The following KCNIP4 variants were observed in gnomAD, a reference collection of about 807,000 sequenced individuals.
KCNIP4 encodes the protein potassium voltage-gated channel interacting protein 4, also known as Kv channel-interacting protein 4.
In KCNIP4, 12 loss-of-function variants were observed where a neutral mutation model predicts 34.0. The ratio of observed to expected loss-of-function variants is 0.35; its 90% confidence interval spans 0.23 to 0.57. The LOEUF (loss-of-function observed/expected upper bound fraction) is 0.57. KCNIP4 is among the 20% of genes least tolerant of loss of function. The probability of loss-of-function intolerance (pLI) is 0.83; values close to 1 mark genes in which losing one functional copy is unlikely to be tolerated. For synonymous variants in KCNIP4, 124 were observed against 102.2 expected (o/e 1.21, Z -1.29); for missense variants, 238 against 311.7 (o/e 0.76, Z 1.78).
At chr4:21,821,635 A>C (rs2109290528) in intron 1 of KCNIP4, among the ~76,000 whole-genome samples, 1 of 152,272 alleles carries the variant, frequency 6.6e-6, no homozygotes, top group South Asian at 2.1e-4. Context: ...GCAGAGTGGA[A>C]TATGCAGTTA....
intron 1 of KCNIP4, among the ~76,000 whole-genome samples, chr4:20,887,498 AGAG>A (rs1034840363): frequency 4.3e-4 from 66 of 152,144 alleles, no homozygotes; most frequent in African/African-American, 1.5e-3. Flanking sequence ...TAAAATGAAA[AGAG>A]AAGAAAAGGA....
intron 1 of KCNIP4, among the ~76,000 whole-genome samples, chr4:20,953,236 T>G (rs1159042735): frequency 6.6e-6 from 1 of 152,234 alleles, no homozygotes; most frequent in Non-Finnish European, 1.5e-5. Flanking sequence ...TAACGGCTTC[T>G]GTGTCTCTCT....
chr4:21,532,619 A>G (rs925897993), intron 1 of KCNIP4, among the ~76,000 whole-genome samples: 8 of 152,156 alleles, frequency 5.3e-5, no homozygotes, highest in Non-Finnish European at 1.0e-4. Context: ...TTTTGTTTCA[A>G]TAATTAATAT....
chr4:21,413,052 T>C (rs1453179482), intron 1 of KCNIP4, among the ~76,000 whole-genome samples: 4 of 152,162 alleles, frequency 2.6e-5, no homozygotes, highest in African/African-American at 7.2e-5. Flanking sequence ...CCCATATATA[T>C]GTCGATTCAC....
At chr4:20,737,533 CAG>C (rs144368110) in intron 5 of KCNIP4, among the ~76,000 whole-genome samples, 17,171 of 152,026 alleles carry the variant, frequency 0.11, 1,146 homozygotes, top group South Asian at 0.19. Flanking sequence ...ATACATGAGA[CAG>C]AAGAACATGG....
Position 21,286,909 on chromosome 4 carries a change from G to A in KCNIP4, c.62-404200C>T, listed in dbSNP as rs147215902. Reference sequence around the variant, plus strand: ...ACCCTAGGGCTTAATACATCAACTCGGAAATGTAATTGAGAGGAGGCTACA... The same window carrying A: ...ACCCTAGGGCTTAATACATCAACTCAGAAATGTAATTGAGAGGAGGCTACA... On this transcript the variant is annotated intron_variant, in intron 1 of 8. Transcript: ENST00000382152. Among the ~76,000 whole-genome samples, 298 of 152,142 alleles carry A rather than the reference G, an allele frequency of 2.0e-3. 3 individuals carry two copies. The highest frequency in any genetic ancestry group is 6.9e-3 in the African/African-American group (285 of 41,510).
At chr4:21,413,041 G>A (rs750832657) in intron 1 of KCNIP4, among the ~76,000 whole-genome samples, 1 of 152,122 alleles carries the variant, frequency 6.6e-6, no homozygotes, top group Non-Finnish European at 1.5e-5. Context: ...CTGGCAAGTA[G>A]CCCATATATA....
chr4:21,927,291 C>T (rs928270258), intron 1 of KCNIP4, among the ~76,000 whole-genome samples: 1 of 152,088 alleles, frequency 6.6e-6, no homozygotes, highest in African/African-American at 2.4e-5. Flanking sequence ...CTGCAGGGTC[C>T]CTTTAGCCAT....
At chr4:21,675,827 T>C (rs891367815) in intron 1 of KCNIP4, among the ~76,000 whole-genome samples, 1 of 152,182 alleles carries the variant, frequency 6.6e-6, no homozygotes, top group African/African-American at 2.4e-5. Context: ...CCATATTACA[T>C]GATCCAACTA....
intron 1 of KCNIP4, among the ~76,000 whole-genome samples, chr4:21,299,258 T>C (rs1222672465): frequency 6.6e-6 from 1 of 152,032 alleles, no homozygotes; most frequent in Non-Finnish European, 1.5e-5. Flanking sequence ...AAAATTAGGA[T>C]TATGTCAGTC....
chr4:21,473,289 T>C (rs532895368), intron 1 of KCNIP4, among the ~76,000 whole-genome samples: 1 of 152,176 alleles, frequency 6.6e-6, no homozygotes, highest in African/African-American at 2.4e-5. Context: ...AGTCAGGGAA[T>C]ACGGGGAAAT....
At chr4:21,628,545 C>A (rs1165193384) in intron 1 of KCNIP4, among the ~76,000 whole-genome samples, 2 of 152,160 alleles carry the variant, frequency 1.3e-5, no homozygotes, top group Admixed American at 1.3e-4. Flanking sequence ...ACGGTCTCTG[C>A]AGATCCTTGG....
intron 3 of KCNIP4, among the ~76,000 whole-genome samples, chr4:20,842,500 C>A (rs1162504041): frequency 6.9e-6 from 1 of 144,912 alleles, no homozygotes; most frequent in Admixed American, 7.2e-5. Context: ...CAGCATCTAA[C>A]CCAATATCTG....
chr4:21,940,713 G>T (rs2109019150), intron 1 of KCNIP4, among the ~76,000 whole-genome samples: 1 of 152,154 alleles, frequency 6.6e-6, no homozygotes, highest in South Asian at 2.1e-4. Context: ...AAACTCAATG[G>T]CTACTTCATA....
intron 1 of KCNIP4, among the ~76,000 whole-genome samples, chr4:21,014,645 G>A (rs974161105): frequency 1.3e-5 from 2 of 152,158 alleles, no homozygotes; most frequent in African/African-American, 2.4e-5. Flanking sequence ...GTGGATATGG[G>A]AACATGAGTG....
intron 1 of KCNIP4, chr4:21,464,684 T>C (rs1203404908): frequency 6.6e-6 from 1 of 152,106 alleles, no homozygotes; most frequent in Non-Finnish European, 1.5e-5. Flanking sequence ...CACGCCTAGT[T>C]GGTGTCTATC....
At chr4:21,663,186 T>C (rs1357451818) in intron 1 of KCNIP4, among the ~76,000 whole-genome samples, 1 of 152,236 alleles carries the variant, frequency 6.6e-6, no homozygotes, top group Non-Finnish European at 1.5e-5. Flanking sequence ...ATATTCTTGA[T>C]TCTTTTGAGA....
chr4:21,294,615 G>T (rs1284139826), intron 1 of KCNIP4, among the ~76,000 whole-genome samples: 1 of 152,012 alleles, frequency 6.6e-6, no homozygotes, highest in Non-Finnish European at 1.5e-5. Flanking sequence ...ATGTAAAATG[G>T]TGAGGTCCTC....
chr4:21,596,849 G>T (rs1742688657), intron 1 of KCNIP4, among the ~76,000 whole-genome samples: 1 of 152,058 alleles, frequency 6.6e-6, no homozygotes, highest in Non-Finnish European at 1.5e-5. Flanking sequence ...CAAGATATTT[G>T]TAAAGAAGAA....
Sources: allele counts gnomAD v4.1 joint callset (sites outside exome capture counted in the v4.1 genomes callset), GRCh38; gene constraint gnomAD v4.1.1; transcripts MANE v1.5; gene names NCBI Gene and HGNC (gene_info 2026-07-23, HGNC 2026-07-21).